TXNRD2: variants seen among roughly 807,000 people sequenced by gnomAD.
TXNRD2 encodes thioredoxin reductase 2, mitochondrial.
A neutral mutation model predicts 70.8 loss-of-function variants in TXNRD2; 67 were observed. The ratio of observed to expected loss-of-function variants is 0.95; its 90% CI spans 0.78 to 1.16. The LOEUF (loss-of-function observed/expected upper bound fraction) is 1.16, where lower values mean the gene tolerates loss of function less well. Ranked by LOEUF, TXNRD2 falls within the 50% of genes most tolerant of loss-of-function variation. The pLI, the probability that TXNRD2 is intolerant of heterozygous loss-of-function variation, is 0.00. For synonymous variants in TXNRD2, 301 were observed against 295.8 expected (o/e 1.02, Z -0.18); for missense variants, 644 against 719.9 (o/e 0.89, Z 1.21).
At chr22:19,900,151 G>A (rs1016369860) in intron 8 of TXNRD2, among the ~76,000 whole-genome samples, 5 of 152,236 alleles carry the variant, frequency 3.3e-5, no homozygotes, top group Non-Finnish European at 5.9e-5. Context: ...GGATTAGGGT[G>A]AGCAGACAGA....
At chr22:19,925,634 T>C (rs536527677) in intron 2 of TXNRD2, among the ~76,000 whole-genome samples, 72 of 152,048 alleles carry the variant, frequency 4.7e-4, no homozygotes, top group Middle Eastern at 6.8e-3. Context: ...GTATGCTTTT[T>C]TAAGGGTAGA....
chr22:19,939,665 G>C (rs143721127), intron 1 of TXNRD2, among the ~76,000 whole-genome samples: 1,766 of 152,126 alleles, frequency 0.012, 52 homozygotes, highest in East Asian at 0.092. Context: ...TGTTACTATG[G>C]GTTATAAATA....
intron 8 of TXNRD2, chr22:19,902,880 A>G: frequency 2.0e-6 from 1 of 501,336 alleles, no homozygotes; most frequent in Non-Finnish European, 4.0e-6. Context: ...CCCAAGATAA[A>G]ATTTATCTTC....
At chr22:19,934,591 C>A (rs967704601) in intron 1 of TXNRD2, among the ~76,000 whole-genome samples, 2 of 143,186 alleles carry the variant, frequency 1.4e-5, no homozygotes, top group African/African-American at 5.1e-5. Flanking sequence ...GAGGCAGATT[C>A]TCTCTCTGTC....
chr22:19,941,529 G>A, intron 1 of TXNRD2, 172 bp downstream of exon 1: 4 of 1,158,860 alleles, frequency 3.5e-6, no homozygotes, highest in Non-Finnish European at 4.5e-6. Context: ...GGCTACTTGT[G>A]GCTAGAAGCA....
intron 9 of TXNRD2, among the ~76,000 whole-genome samples, chr22:19,898,610 G>C (rs1243248551): frequency 6.7e-6 from 1 of 148,574 alleles, no homozygotes; most frequent in East Asian, 2.0e-4. Context: ...TGCCTCCCAG[G>C]TTCAAGCGGT....
chr22:19,877,201 G>C lies in TXNRD2; in HGVS notation c.1479C>G (p.Thr493=), dbSNP rs767844402. 6.2e-7 allele frequency: 1 copy of C among 1,611,520 alleles called. No individual in the cohort carries two copies. Among genetic ancestry groups the C allele is most frequent in the East Asian group, 2.2e-5 (1 of 44,816 alleles). The change falls in exon 17 of 18, where the codon ACC becomes ACG. Residue 493 remains threonine (T), a synonymous_variant. Coordinates refer to ENST00000400521, the MANE Select transcript of TXNRD2 (RefSeq NM_006440.5). The part of the protein sequence containing the change: ...CGASYAQVMR[T]VGIHPTCSEE... ...CAGAGCATGTGGGATGGATACCCACGGTCCGCATCACCTGCGCATAGGAAG... is the reference window on the plus strand; with the variant it reads ...CAGAGCATGTGGGATGGATACCCACCGTCCGCATCACCTGCGCATAGGAAG...
At chr22:19,928,275 G>T (rs1433123648) in intron 2 of TXNRD2, among the ~76,000 whole-genome samples, 1 of 152,052 alleles carries the variant, frequency 6.6e-6, no homozygotes, top group Non-Finnish European at 1.5e-5. Flanking sequence ...ACAGACAGAC[G>T]TTCACAGCAA....
At chr22:19,905,973 C>A (rs1939994602) in intron 8 of TXNRD2, among the ~76,000 whole-genome samples, 1 of 144,710 alleles carries the variant, frequency 6.9e-6, no homozygotes. Flanking sequence ...TGCAATAAAT[C>A]AAAAAGCCAC....
intron 1 of TXNRD2, chr22:19,932,333 G>C (rs1389283857): frequency 4.3e-6 from 7 of 1,612,462 alleles, no homozygotes; most frequent in African/African-American, 1.3e-5. Flanking sequence ...AATTCCTTTT[G>C]GGCTGGTTGT....
At chr22:19,937,293 G>A (rs1009908837) in intron 1 of TXNRD2, among the ~76,000 whole-genome samples, 1 of 152,172 alleles carries the variant, frequency 6.6e-6, no homozygotes, top group African/African-American at 2.4e-5. Flanking sequence ...AGTAACAAAG[G>A]TGTGTATGAG....
chr22:19,932,651 A>G, intron 1 of TXNRD2: 2 of 1,241,506 alleles, frequency 1.6e-6, no homozygotes, highest in South Asian at 3.2e-5. Context: ...GTGGGGACTG[A>G]TGACAAGACT....
intron 11 of TXNRD2, among the ~76,000 whole-genome samples, chr22:19,891,924 C>T (rs572864453): frequency 2.1e-4 from 32 of 152,372 alleles, no homozygotes; most frequent in Admixed American, 2.0e-3. Flanking sequence ...GGGCCCACTT[C>T]GCAATGCCAA....
chr22:19,891,497 G>A (rs3788309), intron 11 of TXNRD2: 4,598 of 152,556 alleles, frequency 0.03, 94 homozygotes, highest in South Asian at 0.09. Context: ...CTGCAGTCCA[G>A]AGGCAGTCTG....
At chr22:19,880,738 GC>G in intron 12 of TXNRD2, 21 bp from the exon 13 acceptor site, 1 of 1,506,900 alleles carries the variant, frequency 6.6e-7, no homozygotes, top group Non-Finnish European at 9.2e-7. Context: ...GCACAGGGGG[GC>G]CACGTCAGCA....
At chr22:19,914,131 C>T (rs971051996) in intron 7 of TXNRD2, among the ~76,000 whole-genome samples, 7 of 152,130 alleles carry the variant, frequency 4.6e-5, no homozygotes, top group African/African-American at 1.7e-4. Flanking sequence ...ACCCTTACAC[C>T]CCACTGGAAG....
rs115207862 is a variant in TXNRD2, at chr22:19,894,662, C to A, written c.949+745G>T. 6.0e-3 allele frequency: 1,101 copies of A among 182,218 alleles called. 9 individuals carry two copies. Among genetic ancestry groups the A allele is most frequent in the African/African-American group, 0.025 (1,057 of 41,566 alleles). The allele number at this position is 182,218 out of a possible 1,614,324, so 11.3% of individuals were successfully genotyped here. On this transcript the variant is annotated intron_variant, in intron 11 of 17. Transcript: ENST00000400521. ...AAAAGAAAAAAACCTAGCTGGAAAGCCTGAAGCAGCAAAACATTTAATATG... is the reference window on the plus strand; with the variant it reads ...AAAAGAAAAAAACCTAGCTGGAAAGACTGAAGCAGCAAAACATTTAATATG...
chr22:19,904,471 T>C (rs776334119), intron 8 of TXNRD2, among the ~76,000 whole-genome samples: 4 of 152,232 alleles, frequency 2.6e-5, no homozygotes, highest in Non-Finnish European at 5.9e-5. Context: ...GGCTCCCAAC[T>C]TGGGGCCCGA....
At chr22:19,913,234 T>C (rs1405004732) in intron 7 of TXNRD2, among the ~76,000 whole-genome samples, 1 of 152,118 alleles carries the variant, frequency 6.6e-6, no homozygotes, top group East Asian at 1.9e-4. Context: ...AACTGGGAGA[T>C]TCAGAATTAT....
Sources: gnomAD v4.1 joint callset for allele counts (sites outside exome capture counted in the v4.1 genomes callset) on GRCh38, gnomAD v4.1.1 for gene constraint, MANE v1.5 for transcripts, NCBI Gene and HGNC (gene_info 2026-07-23, HGNC 2026-07-21) for gene names.